The following CA5A variants were observed in gnomAD, a reference collection of about 807,000 sequenced individuals.
CA5A encodes carbonic anhydrase 5A, mitochondrial.
CA5A carries 28 observed loss-of-function variants against 37.1 expected under a neutral mutation model. The ratio of observed to expected loss-of-function variants is 0.75; its 90% CI spans 0.56 to 1.03. CA5A has a LOEUF of 1.03. CA5A is among the 50% of genes least tolerant of loss of function. The probability of loss-of-function intolerance (pLI) is 0.00; values close to 1 mark genes in which losing one functional copy is unlikely to be tolerated. For missense variants in CA5A, 444 were observed against 399.9 expected, an observed-to-expected ratio of 1.11 and a Z score of -0.94; for synonymous variants, 171 against 158.4, an observed-to-expected ratio of 1.08 and a Z score of -0.60.
At position 87,936,522 on chromosome 16, in the gene CA5A, G is replaced by C. The variant is rs778412801; in HGVS notation, c.-72C>G. 1 of 1,578,402 alleles carries C rather than the reference G, an allele frequency of 6.3e-7. No individual in the cohort carries two copies. The highest frequency in any genetic ancestry group is 8.6e-7 in the Non-Finnish European group (1 of 1,157,670). Reference sequence around the variant, plus strand: ...CTGCTGTCTGTTCTCACTTTGATCAGGACCACTGTGGACTGGCGTGTACCC... The same window carrying C: ...CTGCTGTCTGTTCTCACTTTGATCACGACCACTGTGGACTGGCGTGTACCC... On this transcript the variant is annotated 5_prime_UTR_variant, in exon 1 of 7. Transcript: ENST00000649794.
intron 1 of CA5A, among the ~76,000 whole-genome samples, chr16:87,929,673 C>A (rs113004168): frequency 1.3e-5 from 2 of 151,622 alleles, no homozygotes; most frequent in South Asian, 2.1e-4. Context: ...GAGATCGAGA[C>A]CATCCTGGCT....
At chr16:87,910,277 G>C (rs1191142859) in intron 2 of CA5A, among the ~76,000 whole-genome samples, 3 of 152,198 alleles carry the variant, frequency 2.0e-5, no homozygotes, top group Admixed American at 2.0e-4. Flanking sequence ...CAGCGGAGGA[G>C]CTGGCGTTCG....
chr16:87,892,560 T>A (rs118031165), intron 5 of CA5A, among the ~76,000 whole-genome samples: 7,486 of 122,056 alleles, frequency 0.061, 204 homozygotes, highest in South Asian at 0.091. Flanking sequence ...AATAATAAAT[T>A]AATTAATAAT....
rs139349678 is a variant in CA5A at position 87,904,627 on chromosome 16, C to G, written c.459+159G>C. On this transcript the variant is annotated intron_variant, in intron 3 of 6. Transcript: ENST00000649794. ...TCCTCGTAGGAGAGGTGTGACTAAA[C>G]GGGTGGGGCGGCCGACGGTTCTGGT... Among the ~76,000 whole-genome samples the G allele has an allele frequency of 2.5e-3, 378 of 152,306 alleles. 2 individuals carry two copies. Among genetic ancestry groups the G allele is most frequent in the Admixed American group, 3.8e-3 (58 of 15,294 alleles).
chr16:87,907,326 C>T (rs182161791), intron 2 of CA5A, among the ~76,000 whole-genome samples: 19 of 152,326 alleles, frequency 1.2e-4, no homozygotes, highest in Non-Finnish European at 2.6e-4. Context: ...TCGCTTCTGC[C>T]TCGGCCTGTG....
At chr16:87,898,356 T>G (rs2055831791) in intron 5 of CA5A, among the ~76,000 whole-genome samples, 2 of 152,216 alleles carry the variant, frequency 1.3e-5, no homozygotes, top group Admixed American at 1.3e-4. Flanking sequence ...CCATCTGCCC[T>G]TGAGCCTGAG....
In CA5A at chr16:87,926,841, G is replaced by C; in HGVS notation, c.247C>G (p.Leu83Val). ...GATGCCGCTTCATAGGAGACCCTGA[G>C]TGGCTTCAGCTGGGGGTCATAGACG... ...DSVYDPQLKPLRVSYEAASCL... is the reference protein window; with the variant it reads ...DSVYDPQLKPVRVSYEAASCL... Residue 83 changes from leucine to valine, a missense_variant, in exon 2 of 7, where the codon CTC (leucine) becomes GTC (valine). By Grantham distance (32) the Leu-to-Val change is conservative (BLOSUM62 1). Transcript: ENST00000649794. 1 of 1,614,066 alleles carries C rather than the reference G, an allele frequency of 6.2e-7. No homozygotes were observed. Among genetic ancestry groups the C allele is most frequent in the Non-Finnish European group, 8.5e-7 (1 of 1,179,934 alleles).
intron 2 of CA5A, among the ~76,000 whole-genome samples, chr16:87,917,086 C>G (rs1286725538): frequency 7.7e-6 from 1 of 129,854 alleles, no homozygotes; most frequent in Non-Finnish European, 1.5e-5. Context: ...GCCTGGGTGA[C>G]AGAGCGAGAG....
intron 6 of CA5A, among the ~76,000 whole-genome samples, chr16:87,890,352 T>C (rs1378911442): frequency 3.9e-5 from 6 of 152,188 alleles, no homozygotes; most frequent in South Asian, 2.1e-4. Flanking sequence ...AGGGGCCACC[T>C]TCAACAAAAG....
chr16:87,917,674 C>CAT (rs869120054), intron 2 of CA5A, among the ~76,000 whole-genome samples: 1 of 26,356 alleles, frequency 3.8e-5, no homozygotes, highest in African/African-American at 3.2e-4. Flanking sequence ...GAGACACATG[C>CAT]ACACAGTGCA....
intron 2 of CA5A, among the ~76,000 whole-genome samples, chr16:87,918,394 C>A (rs552702713): frequency 6.6e-6 from 1 of 152,010 alleles, no homozygotes; most frequent in Non-Finnish European, 1.5e-5. Context: ...CTCCTCCCCC[C>A]GCTTTGCTCC....
At chr16:87,894,220 C>A (rs1324463949) in intron 5 of CA5A, among the ~76,000 whole-genome samples, 1 of 151,980 alleles carries the variant, frequency 6.6e-6, no homozygotes, top group Non-Finnish European at 1.5e-5. Flanking sequence ...TTGGGCCTGG[C>A]CGCAACACAG....
intron 1 of CA5A, among the ~76,000 whole-genome samples, chr16:87,929,660 C>T (rs1168099722): frequency 1.3e-5 from 2 of 151,584 alleles, no homozygotes; most frequent in African/African-American, 4.8e-5. Context: ...ATCACGAGGT[C>T]AGGAGATCGA....
At chr16:87,902,715 G>C (rs1404592266) in intron 3 of CA5A, among the ~76,000 whole-genome samples, 195 bp from the exon 4 acceptor site, 1 of 151,214 alleles carries the variant, frequency 6.6e-6, no homozygotes, top group Non-Finnish European at 1.5e-5. Flanking sequence ...GACCATGCTG[G>C]CTAACATGCT....
intron 1 of CA5A, among the ~76,000 whole-genome samples, chr16:87,931,612 C>T (rs551185602): frequency 1.2e-3 from 177 of 152,312 alleles, no homozygotes; most frequent in African/African-American, 3.8e-3. Flanking sequence ...AAGATAAGCT[C>T]GCTGGCGCTG....
chr16:87,928,927 C>G (rs72816349), intron 1 of CA5A, among the ~76,000 whole-genome samples: 1 of 150,884 alleles, frequency 6.6e-6, no homozygotes, highest in South Asian at 2.1e-4. Context: ...GCCGCCACAC[C>G]TGGCTACTTT....
intron 2 of CA5A, among the ~76,000 whole-genome samples, chr16:87,916,681 C>T (rs1460480644): frequency 1.3e-5 from 2 of 152,200 alleles, no homozygotes; most frequent in Admixed American, 6.5e-5. Flanking sequence ...TCTTATCCCA[C>T]CAGAAGGCAA....
chr16:87,932,426 AC>A (rs1470702179), intron 1 of CA5A, among the ~76,000 whole-genome samples: 1 of 152,018 alleles, frequency 6.6e-6, no homozygotes, highest in East Asian at 1.9e-4. Context: ...ACAATGAAAC[AC>A]CCGCATTGAA....
At chr16:87,924,528 A>G (rs982135405) in intron 2 of CA5A, among the ~76,000 whole-genome samples, 12 of 152,246 alleles carry the variant, frequency 7.9e-5, no homozygotes, top group African/African-American at 2.7e-4. Context: ...AGGCCTGCAC[A>G]TACGGCTCAG....
Sources: gnomAD v4.1 joint callset for allele counts (sites outside exome capture counted in the v4.1 genomes callset) on GRCh38, gnomAD v4.1.1 for gene constraint, MANE v1.5 for transcripts, NCBI Gene and HGNC (gene_info 2026-07-23, HGNC 2026-07-21) for gene names.